Variants in PAN2 observed in about 807,000 individuals in gnomAD.
PAN2 encodes PAN2-PAN3 deadenylation complex catalytic subunit PAN2.
In PAN2, 68 loss-of-function variants were observed where a neutral mutation model predicts 133.3. The ratio of observed to expected loss-of-function variants is 0.51; its 90% CI spans 0.42 to 0.62. The LOEUF (loss-of-function observed/expected upper bound fraction) is 0.62. Ranked by LOEUF, PAN2 falls within the 20% of genes least tolerant of loss-of-function variation. PAN2 has a pLI of 0.00. For missense variants in PAN2, 1,042 were observed against 1,500.5 expected, an observed-to-expected ratio of 0.69 and a Z score of 5.05; for synonymous variants, 462 against 544.6, an observed-to-expected ratio of 0.85 and a Z score of 2.11.
chr12:56,321,011 C>A (rs1434459657), intron 20 of PAN2, among the ~76,000 whole-genome samples: 1 of 150,352 alleles, frequency 6.7e-6, no homozygotes, highest in East Asian at 2.0e-4. Flanking sequence ...TCGCAGTGAG[C>A]CAAAATTGTG....
intron 20 of PAN2, among the ~76,000 whole-genome samples, chr12:56,321,826 G>A (rs1874583446): frequency 6.6e-6 from 1 of 151,536 alleles, no homozygotes; most frequent in South Asian, 2.1e-4. Flanking sequence ...ACTCCAGCCT[G>A]GGTGACAGAG....
intron 15 of PAN2, 31 bp from the exon 16 acceptor site, chr12:56,323,415 C>T (rs1874779417): frequency 6.2e-7 from 1 of 1,611,326 alleles, no homozygotes; most frequent in Non-Finnish European, 8.5e-7. Flanking sequence ...TCCAGTTCTT[C>T]AGGAATGTAA....
At position 56,324,316 on chromosome 12, in the gene PAN2, C is replaced by T; in HGVS notation, c.1906G>A (p.Ala636Thr). 1 of 1,613,906 alleles carries T rather than the reference C, an allele frequency of 6.2e-7. No homozygotes were observed. The highest frequency in any genetic ancestry group is 8.5e-7 in the Non-Finnish European group (1 of 1,180,036). Residue 636 changes from alanine (A) to threonine (T), a missense_variant, in exon 12 of 26, where the codon GCT (alanine) becomes ACT (threonine). This residue lies in a region of PAN2 where 908 missense variants were observed against 1,223.5 expected (regional missense o/e 0.74). Transcript: ENST00000440411. Reference protein sequence around the residue: ...QDMQELEIPQAYRGAGGSSFC... With the variant: ...QDMQELEIPQTYRGAGGSSFC... ...TACCTGCCTCCAGCACCTCGATAAGCCTGTGGTATTTCCAGCTCCTGCATA... is the reference window on the plus strand; with the variant it reads ...TACCTGCCTCCAGCACCTCGATAAGTCTGTGGTATTTCCAGCTCCTGCATA...
chr12:56,318,139 T>G lies in PAN2; in HGVS notation c.3562+98A>C, dbSNP rs931826890. On this transcript the variant is annotated intron_variant, in intron 25 of 25. Coordinates refer to ENST00000440411, the MANE Select transcript of PAN2 (RefSeq NM_014871.6). ...CTGCAGTGAGCTGTAATCACGCTAC[T>G]GCACTTCAGCCTGGGTGACAGAGTG... 90 of 988,798 alleles carry G rather than the reference T, an allele frequency of 9.1e-5. 2 individuals are homozygous for G. The highest frequency in any genetic ancestry group is 9.0e-4 in the Middle Eastern group (3 of 3,350). The allele number at this position is 988,798 out of a possible 1,614,324, so 61.3% of individuals were successfully genotyped here. A position where few individuals can be genotyped will look rare whatever the true frequency, so the allele number is the denominator to read the frequency against.
At chr12:56,328,699 G>A (rs1875400100) in intron 2 of PAN2, 58 bp from the exon 3 acceptor site, 7 of 1,441,200 alleles carry the variant, frequency 4.9e-6, no homozygotes, top group Non-Finnish European at 6.8e-6. Flanking sequence ...GCCACCCTAC[G>A]GCCAGGTCAG....
intron 2 of PAN2, among the ~76,000 whole-genome samples, chr12:56,331,700 G>GTTT (rs67869491): frequency 8.0e-5 from 10 of 125,330 alleles, no homozygotes; most frequent in Admixed American, 2.3e-4. Flanking sequence ...GAAGGACAGC[G>GTTT]TTTTTTTTTT....
intron 8 of PAN2, among the ~76,000 whole-genome samples, chr12:56,325,933 A>G (rs1875075807): frequency 6.6e-6 from 1 of 152,142 alleles, no homozygotes; most frequent in Non-Finnish European, 1.5e-5. Flanking sequence ...CTCTGTTACT[A>G]TCTACTTAAC....
intron 4 of PAN2, 38 bp downstream of exon 4, chr12:56,328,200 C>G: frequency 6.3e-7 from 1 of 1,591,952 alleles, no homozygotes; most frequent in Non-Finnish European, 8.6e-7. Context: ...GCAACAACCT[C>G]AGACCCCACA....
chr12:56,332,734 G>A (rs2643626), intron 2 of PAN2, 79 bp downstream of exon 2: 1,344,820 of 1,474,834 alleles, frequency 0.91, 621,341 homozygotes, highest in South Asian at 0.98. Context: ...CTGGCTATCT[G>A]CAAAGCAGCT....
rs1483534933 is a variant in PAN2 at position 56,327,621 on chromosome 12, C to T, written c.662G>A (p.Arg221Lys). ...CGHTSGKVSL[R>K]DLRTFKVEHE... is the part of the protein sequence containing the mutation. ...TTCCACCTTAAAAGTACGGAGGTCTCTCAGGGAAACCTAGAAAAAAAAAAT... is the reference window on the plus strand; with the variant it reads ...TTCCACCTTAAAAGTACGGAGGTCTTTCAGGGAAACCTAGAAAAAAAAAAT... Residue 221 changes from arginine to lysine, a missense_variant, in exon 6 of 26, where the codon AGA becomes AAA. This residue lies in a region of PAN2 where 908 missense variants were observed against 1,223.5 expected (regional missense o/e 0.74). Transcript: ENST00000440411. 1.2e-6 allele frequency: 2 copies of T among 1,612,004 alleles called. No individual in the cohort carries two copies. Among genetic ancestry groups the T allele is most frequent in the Admixed American group, 1.7e-5 (1 of 59,902 alleles).
chr12:56,325,165 C>A, intron 9 of PAN2, 37 bp from the exon 10 acceptor site: 6 of 1,606,146 alleles, frequency 3.7e-6, no homozygotes, highest in South Asian at 1.1e-5. Context: ...CAAGGATATT[C>A]TCAGAGTCCC....
At chr12:56,325,778 C>A (rs1048614827) in intron 8 of PAN2, among the ~76,000 whole-genome samples, 1 of 152,238 alleles carries the variant, frequency 6.6e-6, no homozygotes, top group African/African-American at 2.4e-5. Context: ...CTGGCCACTT[C>A]TAATTTTAAT....
rs751358974 is a variant in PAN2, at chr12:56,319,476, G to A, written c.3102C>T (p.Tyr1034=). ...GCTTTATACCCGAGTATTGAGTCAA[G>A]TAATCCACCACCTAGGAATAGAGAA... ...YISTQEQVVD[Y]LTQYSGIKPG... The change falls in exon 23 of 26, where the codon TAC becomes TAT. Residue 1034 remains tyrosine, a synonymous_variant. Transcript: ENST00000440411. The surrounding 1 kb of genome is among the most constrained non-coding windows in gnomAD (Gnocchi z 5.4). The A allele has an allele frequency of 2.5e-6, 4 of 1,613,352 alleles. No homozygotes were observed. The highest frequency in any genetic ancestry group is 1.3e-5 in the African/African-American group (1 of 74,990).
rs1268625325 is a variant in PAN2 at position 56,324,050 on chromosome 12, A to G, written c.2064T>C (p.Asp688=). 6.2e-7 allele frequency: 1 copy of G among 1,614,082 alleles called. No individual in the cohort carries two copies. Among genetic ancestry groups the G allele is most frequent in the Non-Finnish European group, 8.5e-7 (1 of 1,180,026 alleles). ...STLLFTLSYP[D]DKTGKNYDFA... Reference sequence around the variant, plus strand: ...TGAAGGGTATACCACTTTTGCTACCATCAGGGTAGGAGAGTGTGAAAAGCA... The same window carrying G: ...TGAAGGGTATACCACTTTTGCTACCGTCAGGGTAGGAGAGTGTGAAAAGCA... Residue 688 remains aspartate, a splice_region_variant and synonymous_variant, in exon 13 of 26, where the codon GAT becomes GAC. Coordinates refer to ENST00000440411, the MANE Select transcript of PAN2 (RefSeq NM_014871.6).
exon 1 of PAN2, chr12:56,333,994 CTACGGCGCCAAGGACCGGG>C (rs1219342437): frequency 7.2e-5 from 11 of 152,300 alleles, no homozygotes; most frequent in African/African-American, 2.6e-4. Context: ...AACCTAACCA[CTACGGCGCCAAGGACCGGG>C]GTCCGAGGCG....
rs1294637926 is a variant in PAN2, at chr12:56,323,564, A to G, written c.2207T>C (p.Ile736Thr). The G allele has an allele frequency of 1.9e-6, 3 of 1,614,232 alleles. No individual in the cohort carries two copies. In the South Asian group the frequency reaches 3.3e-5, roughly 18 times the overall value. The change falls in exon 15 of 26, where the codon ATT becomes ACT. Residue 736 changes from isoleucine to threonine, a missense_variant. This residue lies in a region of PAN2 where 908 missense variants were observed against 1,223.5 expected (regional missense o/e 0.74). Coordinates refer to ENST00000440411, the MANE Select transcript of PAN2 (RefSeq NM_014871.6). ...QTRNIRHLPDILVINCEVNSS... is the reference protein window; with the variant it reads ...QTRNIRHLPDTLVINCEVNSS... ...GTTCACCTCACAATTGATGACAAGA[A>G]TATCTGGCAGATGGCGGATGTTGCG...
intron 6 of PAN2, 74 bp from the exon 7 acceptor site, chr12:56,327,033 C>T: frequency 7.9e-7 from 1 of 1,262,942 alleles, no homozygotes; most frequent in East Asian, 2.4e-5. Flanking sequence ...TTCCTATCCT[C>T]TTCCCCTGAT....
chr12:56,328,500 G>A lies in PAN2; in HGVS notation c.424C>T (p.Arg142Cys). ...LTKNNLKYMA[R>C]GGLIIFDYLL... ...TAATCAAATATAATGAGGCCCCCAC[G>A]GGCCATATACTTGAGGTTGTTCTTG... Residue 142 changes from arginine (R) to cysteine (C), a missense_variant, in exon 3 of 26, where the codon CGT (arginine) becomes TGT (cysteine). Coordinates refer to ENST00000440411, the MANE Select transcript of PAN2 (RefSeq NM_014871.6). 2.5e-6 allele frequency: 4 copies of A among 1,614,158 alleles called. No homozygotes were observed. The highest frequency in any genetic ancestry group is 1.1e-5 in the South Asian group (1 of 91,074).
Position 56,324,348 on chromosome 12 carries a change from T to C in PAN2, c.1874A>G (p.His625Arg), listed in dbSNP as rs1325843490. ...RWNRFILTQL[H>R]QDMQELEIPQ... ...TATTTCCAGCTCCTGCATATCTTGA[T>C]GCAGTTGAGTGAGAATGAAGCGATT... The change falls in exon 12 of 26, where the codon CAT (histidine) becomes CGT (arginine). Residue 625 changes from histidine (H) to arginine (R), a missense_variant. His to Arg is a conservative substitution (Grantham distance 29). This residue lies in a region of PAN2 where 908 missense variants were observed against 1,223.5 expected (regional missense o/e 0.74). Transcript: ENST00000440411. 3 of 1,614,084 alleles carry C rather than the reference T, an allele frequency of 1.9e-6. No homozygotes were observed. In the African/African-American group the frequency reaches 4.0e-5, roughly 22 times the overall value.
Sources: gnomAD v4.1 joint callset for allele counts (sites outside exome capture counted in the v4.1 genomes callset) on GRCh38, gnomAD v4.1.1 for gene constraint, gnomAD v4.1.1 regional missense constraint, Gnocchi (gnomAD v3.1) non-coding constraint, MANE v1.5 for transcripts, NCBI Gene and HGNC (gene_info 2026-07-23, HGNC 2026-07-21) for gene names.